The following NALCN variants were observed in gnomAD, a reference collection of about 807,000 sequenced individuals.
NALCN encodes the protein sodium leak channel NALCN.
Under a neutral mutation model 225.3 loss-of-function variants are expected in NALCN, and 111 were observed. That is an observed-to-expected ratio of 0.49 (90% CI 0.42 to 0.58). NALCN has a LOEUF of 0.58. Among genes scored for constraint, NALCN ranks in the 20% least tolerant of loss-of-function variants. The pLI, the probability that NALCN is intolerant of heterozygous loss-of-function variation, is 0.00. For synonymous variants in NALCN, 764 were observed against 769.0 expected (o/e 0.99, Z 0.11); for missense variants, 1,378 against 2,202.4 (o/e 0.63, Z 7.49).
chr13:101,279,689 C>A (rs1486040310), intron 10 of NALCN, among the ~76,000 whole-genome samples: 2 of 148,650 alleles, frequency 1.3e-5, no homozygotes, highest in Non-Finnish European at 3.0e-5. Flanking sequence ...TAGTGGCGGG[C>A]GCCTGTAGTC....
At chr13:101,295,698 C>G (rs916348135) in intron 7 of NALCN, among the ~76,000 whole-genome samples, 7 of 152,128 alleles carry the variant, frequency 4.6e-5, no homozygotes, top group African/African-American at 1.7e-4. Flanking sequence ...AACCAAAACA[C>G]TCCCCAGGAA....
At chr13:101,198,878 C>A (rs1008182317) in intron 13 of NALCN, among the ~76,000 whole-genome samples, 1 of 152,130 alleles carries the variant, frequency 6.6e-6, no homozygotes, top group Non-Finnish European at 1.5e-5. Flanking sequence ...ATAGCAAAGA[C>A]TTGGAACCAA....
intron 7 of NALCN, among the ~76,000 whole-genome samples, chr13:101,297,983 C>T (rs2043818137): frequency 6.6e-6 from 1 of 152,188 alleles, no homozygotes; most frequent in Non-Finnish European, 1.5e-5. Flanking sequence ...TGAGCATCCC[C>T]TTCAGTTGGA....
At chr13:101,196,734 GCAGCCAGAACTAAT>G (rs936740381) in intron 13 of NALCN, among the ~76,000 whole-genome samples, 52 of 152,198 alleles carry the variant, frequency 3.4e-4, no homozygotes, top group African/African-American at 1.2e-3. Context: ...AATCTTTATT[GCAGCCAGAACTAAT>G]CAGTCCTAAG....
chr13:101,182,813 T>A (rs2039293599), intron 14 of NALCN, among the ~76,000 whole-genome samples: 1 of 152,054 alleles, frequency 6.6e-6, no homozygotes, highest in African/African-American at 2.4e-5. Context: ...TGTAGCTGAT[T>A]GCCAGGAGGT....
chr13:101,095,168 A>G (rs1430196649), intron 28 of NALCN, among the ~76,000 whole-genome samples: 1 of 152,208 alleles, frequency 6.6e-6, no homozygotes, highest in African/African-American at 2.4e-5. Context: ...GGGTTTTAAA[A>G]TGGAAATAGC....
chr13:101,064,189 T>C (rs1181393626), intron 40 of NALCN, among the ~76,000 whole-genome samples: 2 of 152,218 alleles, frequency 1.3e-5, no homozygotes, highest in Non-Finnish European at 2.9e-5. Context: ...TGATTTCTCC[T>C]GGTAACAAAG....
intron 18 of NALCN, chr13:101,116,384 A>G (rs986622284): frequency 6.9e-5 from 21 of 305,474 alleles, no homozygotes; most frequent in Non-Finnish European, 1.2e-4. Context: ...AATTGTCTCT[A>G]TTTTTCTTGA....
intron 10 of NALCN, among the ~76,000 whole-genome samples, chr13:101,276,044 C>G (rs1350203107): frequency 8.4e-6 from 1 of 119,086 alleles, no homozygotes; most frequent in African/African-American, 3.1e-5. Context: ...AGCCTGATGA[C>G]AGAGCGAGAC....
chr13:101,085,275 T>C (rs1294572356), intron 30 of NALCN, among the ~76,000 whole-genome samples: 10 of 152,136 alleles, frequency 6.6e-5, no homozygotes, highest in Admixed American at 5.9e-4. Flanking sequence ...ATTCAGAACA[T>C]TTTAATTTAA....
At chr13:101,140,780 C>A (rs1307095649) in intron 17 of NALCN, among the ~76,000 whole-genome samples, 2 of 152,078 alleles carry the variant, frequency 1.3e-5, no homozygotes, top group African/African-American at 4.8e-5. Flanking sequence ...ATCAAAAAAG[C>A]CAGGCATGGT....
At chr13:101,153,242 T>G (rs1008896019) in intron 15 of NALCN, among the ~76,000 whole-genome samples, 6 of 152,316 alleles carry the variant, frequency 3.9e-5, no homozygotes, top group African/African-American at 1.4e-4. Flanking sequence ...GTAAGTGAGA[T>G]AGCAATATGC....
intron 30 of NALCN, among the ~76,000 whole-genome samples, chr13:101,088,320 T>G (rs1011250412): frequency 3.3e-5 from 5 of 152,144 alleles, no homozygotes; most frequent in African/African-American, 1.2e-4. Context: ...TACAGTCCCA[T>G]GTGTAGCAAC....
intron 43 of NALCN, among the ~76,000 whole-genome samples, chr13:101,056,630 T>C (rs1408864291): frequency 1.3e-5 from 2 of 152,114 alleles, no homozygotes; most frequent in Admixed American, 1.3e-4. Context: ...CTGTGCATTC[T>C]CCCCAGGTCA....
At chr13:101,111,625 G>A (rs1022379141) in intron 18 of NALCN, among the ~76,000 whole-genome samples, 3 of 152,148 alleles carry the variant, frequency 2.0e-5, no homozygotes, top group Admixed American at 6.5e-5. Context: ...GGAGGGACCC[G>A]GTGGGAGGTA....
At chr13:101,366,532 G>T (rs1375994741) in intron 6 of NALCN, among the ~76,000 whole-genome samples, 3 of 152,246 alleles carry the variant, frequency 2.0e-5, no homozygotes, top group Non-Finnish European at 4.4e-5. Flanking sequence ...ATGATTAAGA[G>T]AAATGAGGTC....
At chr13:101,256,954 G>A (rs1046915564) in intron 11 of NALCN, among the ~76,000 whole-genome samples, 3 of 151,860 alleles carry the variant, frequency 2.0e-5, no homozygotes, top group South Asian at 2.1e-4. Flanking sequence ...TAGTATAGAT[G>A]GGGTTTCACC....
At chr13:101,373,917 A>G (rs1035333470) in intron 6 of NALCN, among the ~76,000 whole-genome samples, 2 of 152,196 alleles carry the variant, frequency 1.3e-5, no homozygotes, top group African/African-American at 4.8e-5. Context: ...CAAGACATAT[A>G]TAATAAATAT....
intron 13 of NALCN, among the ~76,000 whole-genome samples, chr13:101,217,049 T>C (rs1390959783): frequency 6.6e-6 from 1 of 152,118 alleles, no homozygotes; most frequent in Non-Finnish European, 1.5e-5. Flanking sequence ...TAGTGGGAAA[T>C]CAGAAGGAAT....
Sources: allele counts gnomAD v4.1 joint callset (sites outside exome capture counted in the v4.1 genomes callset), GRCh38; gene constraint gnomAD v4.1.1; transcripts MANE v1.5; gene names NCBI Gene and HGNC (gene_info 2026-07-23, HGNC 2026-07-21).